GTF2F2: variants seen among roughly 807,000 people sequenced by gnomAD.
GTF2F2 encodes the protein ATP-dependent helicase GTF2F2.
Under a neutral mutation model 42.2 loss-of-function variants are expected in GTF2F2, and 23 were observed. The observed-to-expected ratio is 0.55, with a 90% CI of 0.39 to 0.77. GTF2F2 has a LOEUF of 0.77. Ranked by LOEUF, GTF2F2 falls within the 30% of genes least tolerant of loss-of-function variation. The probability of loss-of-function intolerance (pLI) is 0.00; values close to 1 mark genes in which losing one functional copy is unlikely to be tolerated. For synonymous variants in GTF2F2, 105 were observed against 100.8 expected, an observed-to-expected ratio of 1.04 and a Z score of -0.25; for missense variants, 261 against 287.2, an observed-to-expected ratio of 0.91 and a Z score of 0.66.
Position 45,171,181 on chromosome 13 carries a change from G to A in GTF2F2, c.304+19350G>A, listed in dbSNP as rs1246919220. Among the ~76,000 whole-genome samples, 6 of 146,518 alleles carry A rather than the reference G, an allele frequency of 4.1e-5. No individual in the cohort carries two copies. In the Admixed American group the frequency reaches 4.2e-4, roughly 10 times the overall value. ...CAACCTCCGCCTCCCAGGTTCAAGCGATTCTCCTGCCTCAACCTCCTGAGT... is the reference window on the plus strand; with the variant it reads ...CAACCTCCGCCTCCCAGGTTCAAGCAATTCTCCTGCCTCAACCTCCTGAGT... On this transcript the variant is annotated intron_variant, in intron 4 of 7. Coordinates refer to ENST00000340473, the MANE Select transcript of GTF2F2 (RefSeq NM_004128.3).
At chr13:45,269,320 C>G (rs1054646657) in intron 7 of GTF2F2, among the ~76,000 whole-genome samples, 1 of 152,160 alleles carries the variant, frequency 6.6e-6, no homozygotes, top group African/African-American at 2.4e-5. Flanking sequence ...TTTGGCAGGC[C>G]TCTCACGTCA....
At position 45,143,417 on chromosome 13, in the gene GTF2F2, C is replaced by A. The variant is rs560239152; in HGVS notation, c.141-6353C>A. Among the ~76,000 whole-genome samples the A allele has an allele frequency of 3.3e-5, 5 of 152,238 alleles. No individual in the cohort carries two copies. The South Asian group carries it at 1.0e-3, about 32-fold the overall frequency. The stretch of plus-strand genomic sequence containing the variant: ...ATCACTTACTAGCTATGTGACTTTG[C>A]GTAAATTGTTTACTCTGTTTCCTCA... On this transcript the variant is annotated intron_variant, in intron 2 of 7. Coordinates refer to ENST00000340473, the MANE Select transcript of GTF2F2 (RefSeq NM_004128.3).
chr13:45,253,893 G>T (rs1875980445), intron 6 of GTF2F2, among the ~76,000 whole-genome samples: 1 of 152,108 alleles, frequency 6.6e-6, no homozygotes, highest in African/African-American at 2.4e-5. Context: ...GGCTAACACA[G>T]TGAACCCCGT....
chr13:45,191,220 A>T (rs1235548847), intron 4 of GTF2F2, among the ~76,000 whole-genome samples: 19 of 75,210 alleles, frequency 2.5e-4, no homozygotes, highest in African/African-American at 1.1e-3. Flanking sequence ...AAATACAAAA[A>T]AAAAATATAT....
At chr13:45,198,032 C>A (rs1334181994) in intron 4 of GTF2F2, among the ~76,000 whole-genome samples, 3 of 152,216 alleles carry the variant, frequency 2.0e-5, no homozygotes, top group Admixed American at 1.3e-4. Context: ...TACCTTAACT[C>A]TTTATTAGAG....
At chr13:45,272,359 C>G (rs1876827464) in intron 7 of GTF2F2, among the ~76,000 whole-genome samples, 1 of 146,894 alleles carries the variant, frequency 6.8e-6, no homozygotes, top group Non-Finnish European at 1.5e-5. Context: ...GATCTACTAC[C>G]AACTTTATTA....
At chr13:45,199,762 A>G (rs569892889) in intron 4 of GTF2F2, among the ~76,000 whole-genome samples, 3 of 152,350 alleles carry the variant, frequency 2.0e-5, no homozygotes, top group South Asian at 4.1e-4. Context: ...AAACTCTTGT[A>G]AAGGTAGTAC....
intron 3 of GTF2F2, 87 bp from the exon 4 acceptor site, chr13:45,151,600 A>G: frequency 1.2e-6 from 1 of 804,516 alleles, no homozygotes; most frequent in Non-Finnish European, 1.9e-6. Flanking sequence ...AACACATTTA[A>G]AAACAATTTG....
intron 4 of GTF2F2, among the ~76,000 whole-genome samples, chr13:45,204,794 C>T (rs572530265): frequency 2.6e-5 from 4 of 152,288 alleles, no homozygotes; most frequent in East Asian, 3.9e-4. Flanking sequence ...TGGGAAAATT[C>T]GTTGCTGATG....
intron 5 of GTF2F2, among the ~76,000 whole-genome samples, chr13:45,243,819 C>T (rs1875447543): frequency 2.0e-5 from 3 of 152,146 alleles, no homozygotes; most frequent in Non-Finnish European, 4.4e-5. Context: ...TGCCACCACA[C>T]CCAGCTAATT....
intron 5 of GTF2F2, among the ~76,000 whole-genome samples, chr13:45,226,297 G>A (rs1874351713): frequency 6.6e-6 from 1 of 152,164 alleles, no homozygotes; most frequent in Admixed American, 6.5e-5. Flanking sequence ...TGTAATTTGT[G>A]TAGCTACCTC....
At chr13:45,275,441 A>T (rs1876990834) in intron 7 of GTF2F2, among the ~76,000 whole-genome samples, 1 of 142,768 alleles carries the variant, frequency 7.0e-6, no homozygotes, top group Non-Finnish European at 1.5e-5. Flanking sequence ...TCCTAATGCT[A>T]TCCCTCTCCC....
chr13:45,175,188 T>C (rs1871815090), intron 4 of GTF2F2, among the ~76,000 whole-genome samples: 1 of 152,246 alleles, frequency 6.6e-6, no homozygotes, highest in Non-Finnish European at 1.5e-5. Flanking sequence ...AGTGAGAACA[T>C]ATGATATTTG....
chr13:45,228,669 C>CT lies in GTF2F2; in HGVS notation c.386+21182dup, dbSNP rs57570023. Reference sequence around the variant, plus strand: ...TCTCCTTATTGCTGCCAGAGTTAATCTTTTTTTTTTTTTTTTTTGAGACGG... The same window carrying CT: ...TCTCCTTATTGCTGCCAGAGTTAATCTTTTTTTTTTTTTTTTTTTGAGACGG... On this transcript the variant is annotated intron_variant, in intron 5 of 7. Coordinates refer to ENST00000340473, the MANE Select transcript of GTF2F2 (RefSeq NM_004128.3). Among the ~76,000 whole-genome samples, 453 of 108,274 alleles carry CT rather than the reference C, an allele frequency of 4.2e-3. 11 individuals carry two copies. The highest frequency in any genetic ancestry group is 7.9e-3 in the African/African-American group (166 of 20,970). The allele number at this position is 108,274 out of a possible 152,430, so 71.0% of individuals were successfully genotyped here.
In GTF2F2 at chr13:45,208,101, G is replaced by T. The variant is rs147353902; in HGVS notation, c.386+596G>T. ...AGCATGCCACTGCACTCCAGCCTAG[G>T]TGACCCAGTGAGACCTTGTCTCAAA... On this transcript the variant is annotated intron_variant, in intron 5 of 7. Transcript: ENST00000340473. Among the ~76,000 whole-genome samples the T allele has an allele frequency of 3.1e-3, 469 of 151,496 alleles. 3 individuals carry two copies. Among genetic ancestry groups the T allele is most frequent in the South Asian group, 0.015 (70 of 4,784 alleles).
intron 2 of GTF2F2, among the ~76,000 whole-genome samples, chr13:45,146,621 C>A (rs1228613971): frequency 2.0e-5 from 3 of 151,950 alleles, no homozygotes; most frequent in Non-Finnish European, 2.9e-5. Flanking sequence ...GGTACCAAAT[C>A]CAAGAAGTAT....
At chr13:45,165,567 G>GC (rs760943482) in intron 4 of GTF2F2, among the ~76,000 whole-genome samples, 2,352 of 117,994 alleles carry the variant, frequency 0.02, 23 homozygotes, top group South Asian at 0.052. Context: ...CACTGCCCTC[G>GC]CCCCCCCCCG....
chr13:45,214,551 G>A (rs139309071), intron 5 of GTF2F2, among the ~76,000 whole-genome samples: 493 of 152,168 alleles, frequency 3.2e-3, no homozygotes, highest in African/African-American at 0.012. Flanking sequence ...TTCATATTGA[G>A]AAGAAAAAAG....
intron 4 of GTF2F2, among the ~76,000 whole-genome samples, chr13:45,181,579 C>T (rs954161572): frequency 7.2e-5 from 11 of 152,066 alleles, no homozygotes; most frequent in African/African-American, 2.2e-4. Flanking sequence ...AATACAAAAA[C>T]AATTAGTATG....
Sources: allele counts gnomAD v4.1 joint callset (sites outside exome capture counted in the v4.1 genomes callset), GRCh38; gene constraint gnomAD v4.1.1; transcripts MANE v1.5; gene names NCBI Gene and HGNC (gene_info 2026-07-23, HGNC 2026-07-21).